RELN: variants seen among roughly 807,000 people sequenced by gnomAD.
RELN encodes the protein reelin.
A neutral mutation model predicts 427.6 loss-of-function variants in RELN; 108 were observed. The observed-to-expected ratio is 0.25, with a 90% CI of 0.22 to 0.30. The LOEUF is 0.30. RELN is among the 10% of genes least tolerant of loss of function. The probability of loss-of-function intolerance (pLI) is 1.00; values close to 1 mark genes in which losing one functional copy is unlikely to be tolerated. For missense variants in RELN, 3,715 were observed against 4,302.8 expected (o/e 0.86, Z 3.82); for synonymous variants, 1,524 against 1,513.4 (o/e 1.01, Z -0.16).
intron 17 of RELN, among the ~76,000 whole-genome samples, chr7:103,638,145 G>A (rs943156500): frequency 1.4e-4 from 22 of 152,096 alleles, no homozygotes; most frequent in Non-Finnish European, 2.4e-4. Flanking sequence ...TGGTGATTTC[G>A]GGTATGACAC....
Position 103,953,170 on chromosome 7 carries a change from A to G in RELN, c.226+35961T>C, listed in dbSNP as rs1796367104. Among the ~76,000 whole-genome samples the G allele has an allele frequency of 6.6e-6, 1 of 152,218 alleles. No homozygotes were observed. Among genetic ancestry groups the G allele is most frequent in the Non-Finnish European group, 1.5e-5 (1 of 68,038 alleles). ...CTCCAAGATCAGCACCACAGGGGAA[A>G]AATCAGGGCAAGAAAAGTCTTCCCA... On this transcript the variant is annotated intron_variant, in intron 1 of 64. Transcript: ENST00000428762. This position sits in a 1 kb window ranked among gnomAD's most constrained non-coding sequence, Gnocchi z 4.3.
chr7:103,983,974 G>T (rs1387362575), intron 1 of RELN, among the ~76,000 whole-genome samples: 3 of 151,884 alleles, frequency 2.0e-5, no homozygotes, highest in African/African-American at 7.3e-5. Context: ...AAGGTTATTT[G>T]AAATAAAGGG....
chr7:103,689,549 G>A (rs911118320), intron 10 of RELN, among the ~76,000 whole-genome samples: 3 of 151,932 alleles, frequency 2.0e-5, no homozygotes, highest in Non-Finnish European at 2.9e-5. Context: ...GATGATTCAC[G>A]CTTTCAAAAT....
chr7:103,528,934 A>C (rs2117105396), intron 46 of RELN, among the ~76,000 whole-genome samples: 1 of 149,648 alleles, frequency 6.7e-6, no homozygotes, highest in East Asian at 2.1e-4. Context: ...TCCAGAGATC[A>C]AGACCATCCT....
chr7:103,929,011 T>G lies in RELN; in HGVS notation c.227-11826A>C, dbSNP rs117277621. Among the ~76,000 whole-genome samples the G allele has an allele frequency of 1.9e-3, 295 of 152,226 alleles. 5 individuals carry two copies. The East Asian group carries it at 0.047, about 24-fold the overall frequency. On this transcript the variant is annotated intron_variant, in intron 1 of 64. Coordinates refer to ENST00000428762, the MANE Select transcript of RELN (RefSeq NM_005045.4). Reference sequence around the variant, plus strand: ...TTCAAGCCAAAAAAATAACTGGAGGTGAAGAGATGAGGTTAAGTCAGCATA... The same window carrying G: ...TTCAAGCCAAAAAAATAACTGGAGGGGAAGAGATGAGGTTAAGTCAGCATA...
At chr7:103,979,383 G>A (rs985553557) in intron 1 of RELN, among the ~76,000 whole-genome samples, 1 of 152,220 alleles carries the variant, frequency 6.6e-6, no homozygotes, top group African/African-American at 2.4e-5. Context: ...TAGCCTGGTT[G>A]CCATAAAGTC....
At chr7:103,618,294 T>C (rs1273710643) in intron 20 of RELN, among the ~76,000 whole-genome samples, 1 of 152,242 alleles carries the variant, frequency 6.6e-6, no homozygotes, top group Non-Finnish European at 1.5e-5. Context: ...TCTATGGTAT[T>C]CAATGTGTGG....
intron 4 of RELN, among the ~76,000 whole-genome samples, chr7:103,755,733 G>C (rs1478153555): frequency 3.8e-5 from 1 of 26,578 alleles, no homozygotes; most frequent in African/African-American, 1.4e-4. Context: ...GGAGAATGGC[G>C]TGAACTTGGG....
intron 2 of RELN, among the ~76,000 whole-genome samples, chr7:103,890,996 C>G (rs1292244747): frequency 6.6e-6 from 1 of 152,048 alleles, no homozygotes; most frequent in Admixed American, 6.6e-5. Flanking sequence ...GGAGGAGAAT[C>G]GCTTGAATCT....
chr7:103,741,934 G>T lies in RELN; in HGVS notation c.656+7492C>A, dbSNP rs944948345. Among the ~76,000 whole-genome samples, 3 of 152,102 alleles carry T rather than the reference G, an allele frequency of 2.0e-5. No individual in the cohort carries two copies. The East Asian group carries it at 5.8e-4, about 29-fold the overall frequency. ...AAGAGAGTAGTGGTTCTCCCCGCAC[G>T]CAGCTTGAGATCTGAGAACGGGCAG... On this transcript the variant is annotated intron_variant, in intron 6 of 64. Transcript: ENST00000428762.
chr7:103,872,908 GTTGT>G (rs1235836960), intron 2 of RELN, among the ~76,000 whole-genome samples: 8 of 151,634 alleles, frequency 5.3e-5, no homozygotes, highest in South Asian at 4.2e-4. Context: ...TTTTGATGGG[GTTGT>G]TTGTTTTTTT....
intron 40 of RELN, among the ~76,000 whole-genome samples, chr7:103,552,519 TTGGAGATGGAATCTCAC>T (rs1830436381): frequency 6.6e-6 from 1 of 150,722 alleles, no homozygotes; most frequent in African/African-American, 2.4e-5. Context: ...TTTTTTTTTT[TTGGAGATGGAATCTCAC>T]TTTGTGCCCA....
chr7:103,833,776 T>C, intron 2 of RELN, 104 bp from the exon 3 acceptor site: 1 of 1,141,686 alleles, frequency 8.8e-7, no homozygotes, highest in Non-Finnish European at 1.3e-6. Flanking sequence ...GTTAAGGTTC[T>C]ATGCTATTTG....
chr7:103,474,805 T>C (rs898151133), intron 64 of RELN, among the ~76,000 whole-genome samples: 19 of 121,362 alleles, frequency 1.6e-4, no homozygotes, highest in African/African-American at 6.1e-4. Flanking sequence ...TTTCCTTTTA[T>C]GAAAAAAAAA....
intron 17 of RELN, among the ~76,000 whole-genome samples, chr7:103,639,928 C>A (rs1832664047): frequency 6.6e-6 from 1 of 151,892 alleles, no homozygotes. Context: ...TGTGAATATC[C>A]ATTTTTTGGT....
At position 103,651,693 on chromosome 7, in the gene RELN, G is replaced by C; in HGVS notation, c.1860C>G (p.His620Gln). The change falls in exon 15 of 65, where the codon CAC becomes CAG. Residue 620 changes from histidine (H) to glutamine (Q), a missense_variant. This residue lies in a region of RELN where 2,208 missense variants were observed against 2,361.7 expected (regional missense o/e 0.93). Transcript: ENST00000428762. ...AGTTTTCAGAGGAGTAGACAGTGCTGTGGGGGAGGTGGGGTCCAGCACAGA... is the reference window on the plus strand; with the variant it reads ...AGTTTTCAGAGGAGTAGACAGTGCTCTGGGGGAGGTGGGGTCCAGCACAGA... Reference protein sequence around the residue: ...PEICAGPHLPHSTVYSSENYS... With the variant: ...PEICAGPHLPQSTVYSSENYS... The C allele has an allele frequency of 6.2e-7, 1 of 1,611,944 alleles. No individual in the cohort carries two copies. The highest frequency in any genetic ancestry group is 8.5e-7 in the Non-Finnish European group (1 of 1,178,584).
intron 11 of RELN, among the ~76,000 whole-genome samples, chr7:103,661,839 T>C (rs1310279848): frequency 6.6e-6 from 1 of 152,212 alleles, no homozygotes; most frequent in Non-Finnish European, 1.5e-5. Context: ...ATTCTTTAAG[T>C]ACTTATAGTT....
At chr7:103,673,567 CA>C (rs1833442140) in intron 11 of RELN, among the ~76,000 whole-genome samples, 2 of 152,136 alleles carry the variant, frequency 1.3e-5, no homozygotes, top group Non-Finnish European at 2.9e-5. Context: ...TTGAATATCT[CA>C]TCTTCCTCTT....
At chr7:103,919,866 T>C (rs372880599) in intron 1 of RELN, among the ~76,000 whole-genome samples, 1 of 152,218 alleles carries the variant, frequency 6.6e-6, no homozygotes, top group Admixed American at 6.5e-5. Context: ...ATATGGGACA[T>C]GATTTTAAAA....
Sources: allele counts gnomAD v4.1 joint callset (sites outside exome capture counted in the v4.1 genomes callset), GRCh38; gene constraint gnomAD v4.1.1; regional missense constraint gnomAD v4.1.1; non-coding constraint Gnocchi (gnomAD v3.1); transcripts MANE v1.5; gene names NCBI Gene and HGNC (gene_info 2026-07-23, HGNC 2026-07-21).